The following JMJD1C variants were observed in gnomAD, a reference collection of about 807,000 sequenced individuals.
JMJD1C encodes jumonji domain containing 1C, also known as jumonji domain-containing protein 1C.
Under a neutral mutation model 245.3 loss-of-function variants are expected in JMJD1C, and 31 were observed. The ratio of observed to expected loss-of-function variants is 0.13; its 90% confidence interval spans 0.09 to 0.17. The LOEUF is 0.17. Ranked by LOEUF, JMJD1C falls within the 10% of genes least tolerant of loss-of-function variation. The probability of loss-of-function intolerance (pLI) is 1.00; values close to 1 mark genes in which losing one functional copy is unlikely to be tolerated. For synonymous variants in JMJD1C, 1,057 were observed against 1,017.4 expected (o/e 1.04, Z -0.74); for missense variants, 2,691 against 3,000.2 (o/e 0.90, Z 2.41).
chr10:63,398,314 C>T (rs1948633170), intron 1 of JMJD1C, among the ~76,000 whole-genome samples: 1 of 151,980 alleles, frequency 6.6e-6, no homozygotes, highest in South Asian at 2.1e-4. Context: ...CTTGCTTTTT[C>T]CCCTTGGTTA....
intron 1 of JMJD1C, among the ~76,000 whole-genome samples, chr10:63,494,189 T>C (rs979910417): frequency 6.6e-6 from 1 of 152,038 alleles, no homozygotes; most frequent in Non-Finnish European, 1.5e-5. Flanking sequence ...CACATGCCTG[T>C]AATCCCAGCT....
At chr10:63,427,298 T>G in intron 1 of JMJD1C, 1 of 791,464 alleles carries the variant, frequency 1.3e-6, no homozygotes, top group East Asian at 5.7e-5. Context: ...GCCGGGACGA[T>G]GGTGAAGTAT....
At chr10:63,508,457 G>C (rs781665809) in intron 1 of JMJD1C, among the ~76,000 whole-genome samples, 1 of 152,108 alleles carries the variant, frequency 6.6e-6, no homozygotes. Flanking sequence ...TGTGTTGACT[G>C]TTCTGGATCT....
At chr10:63,449,567 A>G (rs1370692934) in intron 1 of JMJD1C, among the ~76,000 whole-genome samples, 3 of 152,198 alleles carry the variant, frequency 2.0e-5, no homozygotes, top group Non-Finnish European at 4.4e-5. Context: ...GTGTCTGAAG[A>G]AACAAATGAG....
intron 1 of JMJD1C, among the ~76,000 whole-genome samples, chr10:63,429,743 T>C (rs1950640950): frequency 6.6e-6 from 1 of 152,184 alleles, no homozygotes; most frequent in Non-Finnish European, 1.5e-5. Context: ...AAAAGAAGAA[T>C]CATCACTATG....
At chr10:63,471,272 G>C (rs1215366415) in intron 1 of JMJD1C, among the ~76,000 whole-genome samples, 2 of 152,132 alleles carry the variant, frequency 1.3e-5, no homozygotes, top group African/African-American at 2.4e-5. Flanking sequence ...TTCTAAACTT[G>C]TATTAAAACT....
rs1250844727 is a variant in JMJD1C, at chr10:63,167,699, C to T, written c.*346G>A. 7 of 168,718 alleles carry T rather than the reference C, an allele frequency of 4.1e-5. No homozygotes were observed. The highest frequency in any genetic ancestry group is 7.7e-5 in the Non-Finnish European group (6 of 78,388). 10.5% of individuals were successfully genotyped at this position (168,718 alleles called of 1,614,324 possible). On this transcript the variant is annotated 3_prime_UTR_variant, in exon 26 of 26. Transcript: ENST00000399262. ...ATATCAGTAATTTTAGTAAACTGTA[C>T]AAGGTCACATTTACACTTGATCAAC...
chr10:63,269,934 G>C (rs1856074739), intron 2 of JMJD1C, among the ~76,000 whole-genome samples: 2 of 152,106 alleles, frequency 1.3e-5, no homozygotes, highest in Admixed American at 6.6e-5. Flanking sequence ...CTGAAATGTA[G>C]TTAATCTGAA....
At chr10:63,488,869 T>TC (rs1367068646) in intron 1 of JMJD1C, among the ~76,000 whole-genome samples, 1 of 152,154 alleles carries the variant, frequency 6.6e-6, no homozygotes, top group Non-Finnish European at 1.5e-5. Context: ...ATGAGTGTGT[T>TC]CAGTTTTTAA....
intron 2 of JMJD1C, among the ~76,000 whole-genome samples, chr10:63,271,635 A>ACTGCCTCCTGGGTTCAAGCGATTCTC (rs1434724764): frequency 4.0e-5 from 6 of 151,082 alleles, no homozygotes; most frequent in African/African-American, 1.5e-4. Context: ...CACTGCAACC[A>ACTGCCTCCTGGGTTCAAGCGATTCTC]CTGCCTCCTG....
chr10:63,279,016 G>A (rs779246685), intron 2 of JMJD1C, among the ~76,000 whole-genome samples: 67 of 152,222 alleles, frequency 4.4e-4, no homozygotes, highest in South Asian at 1.9e-3. Context: ...TTGGGAGGCC[G>A]AGGCAGCTGG....
intron 1 of JMJD1C, among the ~76,000 whole-genome samples, chr10:63,464,312 T>C (rs557242467): frequency 2.0e-5 from 3 of 152,224 alleles, no homozygotes; most frequent in Admixed American, 2.0e-4. Flanking sequence ...TTGACTACAG[T>C]GAGGAAAACC....
At chr10:63,174,267 C>T (rs899375318) in intron 24 of JMJD1C, among the ~76,000 whole-genome samples, 11 of 151,808 alleles carry the variant, frequency 7.2e-5, no homozygotes, top group African/African-American at 2.7e-4. Context: ...CTATTATTGC[C>T]CCAAAGTGGA....
chr10:63,376,951 TTGGGCAGATATTTATACAGCCA>T (rs1330591861), intron 2 of JMJD1C, among the ~76,000 whole-genome samples: 3 of 152,194 alleles, frequency 2.0e-5, no homozygotes, highest in Non-Finnish European at 2.9e-5. Context: ...ACACAGAGGC[TTGGGCAGATATTTATACAGCCA>T]TGTTCATACC....
chr10:63,471,344 G>A (rs956998715), intron 1 of JMJD1C, among the ~76,000 whole-genome samples: 4 of 152,156 alleles, frequency 2.6e-5, no homozygotes, highest in Non-Finnish European at 4.4e-5. Context: ...CAAAATCTCT[G>A]CATGCTAACC....
chr10:63,445,845 C>A (rs1390654558), intron 1 of JMJD1C, among the ~76,000 whole-genome samples: 1 of 141,296 alleles, frequency 7.1e-6, no homozygotes, highest in Middle Eastern at 3.6e-3. Flanking sequence ...GAAAAAATGA[C>A]ATGTGCTGGG....
At chr10:63,508,278 G>T (rs180743170) in intron 1 of JMJD1C, among the ~76,000 whole-genome samples, 1 of 152,026 alleles carries the variant, frequency 6.6e-6, no homozygotes, top group African/African-American at 2.4e-5. Flanking sequence ...CTTTGCCAAC[G>T]ATCATTTGAC....
At chr10:63,187,501 G>C (rs1432774694) in intron 18 of JMJD1C, among the ~76,000 whole-genome samples, 1 of 152,190 alleles carries the variant, frequency 6.6e-6, no homozygotes, top group Non-Finnish European at 1.5e-5. Context: ...GCAGTGGCAT[G>C]ATCATGGCTC....
intron 1 of JMJD1C, among the ~76,000 whole-genome samples, chr10:63,409,983 C>G (rs1237478222): frequency 1.3e-5 from 2 of 152,062 alleles, no homozygotes; most frequent in Non-Finnish European, 1.5e-5. Context: ...CTCAGCCACA[C>G]AGTACCTGGC....
Sources: gnomAD v4.1 joint callset for allele counts (sites outside exome capture counted in the v4.1 genomes callset) on GRCh38, gnomAD v4.1.1 for gene constraint, MANE v1.5 for transcripts, NCBI Gene and HGNC (gene_info 2026-07-23, HGNC 2026-07-21) for gene names.